The following TMEM116 variants were observed in gnomAD, a reference collection of about 807,000 sequenced individuals.
TMEM116 encodes the protein transmembrane protein 116.
In TMEM116, 38 loss-of-function variants were observed where a neutral mutation model predicts 44.3. The ratio of observed to expected loss-of-function variants is 0.86; its 90% CI spans 0.66 to 1.12. TMEM116 has a LOEUF of 1.12. TMEM116 is among the 50% of genes most tolerant of loss of function. TMEM116 has a pLI of 0.00. For synonymous variants in TMEM116, 132 were observed against 144.8 expected (o/e 0.91, Z 0.64); for missense variants, 354 against 401.7 (o/e 0.88, Z 1.01).
chr12:111,990,411 T>C (rs899317343), intron 4 of TMEM116, among the ~76,000 whole-genome samples: 2 of 152,198 alleles, frequency 1.3e-5, no homozygotes, highest in Non-Finnish European at 2.9e-5. Flanking sequence ...TAATACAGAC[T>C]TTTCTGATCA....
intron 4 of TMEM116, among the ~76,000 whole-genome samples, chr12:111,957,677 GC>G (rs1056931316): frequency 2.0e-5 from 3 of 150,336 alleles, no homozygotes; most frequent in African/African-American, 7.4e-5. Context: ...CTGCCTGGCC[GC>G]CGTCCCGTCT....
At chr12:111,964,831 G>A (rs1413529279) in intron 4 of TMEM116, among the ~76,000 whole-genome samples, 1 of 151,798 alleles carries the variant, frequency 6.6e-6, no homozygotes, top group Non-Finnish European at 1.5e-5. Flanking sequence ...GGGACCACAG[G>A]TGCGCACCAC....
intron 4 of TMEM116, among the ~76,000 whole-genome samples, chr12:111,952,750 C>T (rs1043277110): frequency 6.6e-6 from 1 of 152,204 alleles, no homozygotes; most frequent in Non-Finnish European, 1.5e-5. Flanking sequence ...GAATGTCAGA[C>T]TCCAAGTTCT....
In TMEM116 at chr12:112,000,859, C is replaced by T. The variant is rs150265577; in HGVS notation, c.78+2941G>A. On this transcript the variant is annotated intron_variant, in intron 3 of 10. Coordinates refer to ENST00000552374, the MANE Select transcript of TMEM116 (RefSeq NM_001193531.2). ...TGAGATTTAATTCCTGGCTCCTCCC[C>T]GAATCCACCAATTCTCTGGTCTATT... 5.4e-4 allele frequency: 250 copies of T among 460,740 alleles called. 2 individuals carry two copies. The highest frequency in any genetic ancestry group is 4.4e-3 in the African/African-American group (223 of 50,304). 28.5% of individuals were successfully genotyped at this position (460,740 alleles called of 1,614,324 possible).
At chr12:111,986,527 G>A (rs991367923) in intron 4 of TMEM116, among the ~76,000 whole-genome samples, 4 of 150,086 alleles carry the variant, frequency 2.7e-5, no homozygotes, top group African/African-American at 9.8e-5. Context: ...TCAACAAATG[G>A]GGCCAGGCAT....
chr12:111,974,424 T>C (rs2075544848), intron 4 of TMEM116, among the ~76,000 whole-genome samples: 1 of 151,800 alleles, frequency 6.6e-6, no homozygotes, highest in Non-Finnish European at 1.5e-5. Flanking sequence ...GGGCGGATCA[T>C]TTGAGGTTTG....
chr12:111,942,266 T>TTTTTG (rs1020304888), intron 5 of TMEM116, among the ~76,000 whole-genome samples: 3 of 149,982 alleles, frequency 2.0e-5, no homozygotes, highest in Non-Finnish European at 4.5e-5. Context: ...CTTGTTTTTG[T>TTTTTG]TTTTGTTTTG....
intron 6 of TMEM116, among the ~76,000 whole-genome samples, chr12:111,937,863 C>T (rs1364824927): frequency 6.6e-6 from 1 of 152,144 alleles, no homozygotes; most frequent in Non-Finnish European, 1.5e-5. Context: ...TATTACAACT[C>T]TTTATGATAC....
chr12:111,942,136 C>T (rs2072882404), intron 5 of TMEM116, among the ~76,000 whole-genome samples: 1 of 152,022 alleles, frequency 6.6e-6, no homozygotes, highest in Admixed American at 6.6e-5. Flanking sequence ...CGGGGTTTCT[C>T]CATATTAGTC....
At chr12:111,991,955 G>T in intron 3 of TMEM116, 66 bp from the exon 4 acceptor site, 1 of 1,444,218 alleles carries the variant, frequency 6.9e-7, no homozygotes. Context: ...CAATGTAACA[G>T]TTCTTACATT....
rs761098216 is a variant in TMEM116 at position 111,933,888 on chromosome 12, G to C, written c.731C>G (p.Pro244Arg). 6.2e-7 allele frequency: 1 copy of C among 1,613,774 alleles called. No homozygotes were observed. Among genetic ancestry groups the C allele is most frequent in the Admixed American group, 1.7e-5 (1 of 59,954 alleles). ...YPVAFFCCWG[P>R]AVILMIIKLT... ...ATCTCTTCTTGTTAAGTACCTACCT[G>C]GGCCCCAGCAGCAAAAGAAGGCCAC... The change falls in exon 9 of 11, where the codon CCA becomes CGA. Residue 244 changes from proline (P) to arginine (R), a missense_variant and splice_region_variant. Pro to Arg is a moderately radical substitution (Grantham distance 103). Coordinates refer to ENST00000552374, the MANE Select transcript of TMEM116 (RefSeq NM_001193531.2).
At chr12:111,980,275 G>T (rs2075869450) in intron 4 of TMEM116, among the ~76,000 whole-genome samples, 1 of 152,230 alleles carries the variant, frequency 6.6e-6, no homozygotes, top group African/African-American at 2.4e-5. Context: ...AGACCTGGAA[G>T]AACCTTAAAT....
chr12:111,997,667 C>CTATACACCTATA (rs376141606), intron 3 of TMEM116, among the ~76,000 whole-genome samples: 32 of 152,224 alleles, frequency 2.1e-4, no homozygotes, highest in African/African-American at 7.5e-4. Flanking sequence ...TCTCTTTCTC[C>CTATACACCTATA]CAAGCCCACC....
intron 4 of TMEM116, among the ~76,000 whole-genome samples, chr12:111,956,962 C>T (rs2074151617): frequency 6.6e-6 from 1 of 151,828 alleles, no homozygotes; most frequent in Non-Finnish European, 1.5e-5. Context: ...AGCGTCTCTG[C>T]CTGGCCGCCC....
intron 4 of TMEM116, among the ~76,000 whole-genome samples, chr12:111,988,139 G>C (rs1176790217): frequency 6.6e-6 from 1 of 152,134 alleles, no homozygotes; most frequent in Non-Finnish European, 1.5e-5. Flanking sequence ...CATAGAGACA[G>C]AAAGTAGAAC....
rs372438649 is a variant in TMEM116 at position 111,931,613 on chromosome 12, T to C, written c.*8A>G. 2.2e-5 allele frequency: 35 copies of C among 1,611,968 alleles called. No homozygotes were observed. In the East Asian group the frequency reaches 3.1e-4, roughly 14 times the overall value. Reference sequence around the variant, plus strand: ...ACTCCAGTTCCTGGATGTTCCAGTATTGTAGTTTCAAAAAATGGTAGAAGT... The same window carrying C: ...ACTCCAGTTCCTGGATGTTCCAGTACTGTAGTTTCAAAAAATGGTAGAAGT... On this transcript the variant is annotated 3_prime_UTR_variant, in exon 11 of 11. Transcript: ENST00000552374.
chr12:112,012,947 G>A (rs2077918761), intron 1 of TMEM116, 55 bp downstream of exon 1: 1 of 155,456 alleles, frequency 6.4e-6, no homozygotes, highest in Non-Finnish European at 1.5e-5. Context: ...GCCTGGGTCA[G>A]GGTGGTGACG....
chr12:112,004,978 T>C (rs1277279204), intron 2 of TMEM116, among the ~76,000 whole-genome samples: 2 of 152,202 alleles, frequency 1.3e-5, no homozygotes, highest in Non-Finnish European at 2.9e-5. Context: ...ATTTTTAGTA[T>C]AGGTGCTGCT....
chr12:111,999,627 C>T (rs1013573110), intron 3 of TMEM116, among the ~76,000 whole-genome samples: 1 of 151,564 alleles, frequency 6.6e-6, no homozygotes, highest in African/African-American at 2.4e-5. Context: ...ATTATATATA[C>T]ATATATATAC....
Sources: allele counts gnomAD v4.1 joint callset (sites outside exome capture counted in the v4.1 genomes callset), GRCh38; gene constraint gnomAD v4.1.1; transcripts MANE v1.5; gene names NCBI Gene and HGNC (gene_info 2026-07-23, HGNC 2026-07-21).